Variants in CFAP74 observed in about 807,000 individuals in gnomAD.
CFAP74 encodes cilia- and flagella-associated protein 74.
In CFAP74, 124 loss-of-function variants were observed where a neutral mutation model predicts 188.9. That is an observed-to-expected ratio of 0.66 (90% CI 0.57 to 0.76). CFAP74 has a LOEUF of 0.76. CFAP74 is among the 30% of genes least tolerant of loss of function. CFAP74 has a pLI of 0.00. For synonymous variants in CFAP74, 956 were observed against 916.7 expected (o/e 1.04, Z -0.77); for missense variants, 2,198 against 2,165.2 (o/e 1.02, Z -0.30).
At position 1,973,933 on chromosome 1, in the gene CFAP74, CGAGGCT is replaced by C. The variant is rs1171217570; in HGVS notation, c.674+86_674+91del. 7.9e-7 allele frequency: 1 copy of C among 1,262,296 alleles called. No individual in the cohort carries two copies. The highest frequency in any genetic ancestry group is 2.8e-5 in the East Asian group (1 of 35,820). 78.2% of individuals were successfully genotyped at this position (1,262,296 alleles called of 1,614,324 possible). On this transcript the variant is annotated intron_variant, in intron 7 of 38. Transcript: ENST00000682832. This position sits in a 1 kb window ranked among gnomAD's most constrained non-coding sequence, Gnocchi z 6.2. ...GGTGGATCTGGACAGATGTGGAGGG[CGAGGCT>C]GAATCTGGAGACCCCTGGGGGAGAG...
In CFAP74 at chr1:1,955,210, G is replaced by C. The variant is rs767949848; in HGVS notation, c.2176+481C>G. On this transcript the variant is annotated intron_variant, in intron 18 of 38. Transcript: ENST00000682832. ...GATCTCGATGCGTATGTGGGAAAAC[G>C]ATCAAGAGAAGCAAGGAGGAGACGC... The C allele has an allele frequency of 3.1e-6, 4 of 1,289,120 alleles. No individual in the cohort carries two copies. In the Admixed American group the frequency reaches 6.9e-5, roughly 22 times the overall value. The allele number at this position is 1,289,120 out of a possible 1,614,324, so 79.9% of individuals were successfully genotyped here. A position where few individuals can be genotyped will look rare whatever the true frequency, so the allele number is the denominator to read the frequency against.
rs758104097 is a variant in CFAP74 at position 1,923,485 on chromosome 1, C to G, written c.4404G>C (p.Gln1468His). ...GACAGGCGGCACCCTTCAGCAGGAT[C>G]TGGTGGGAGATTTTCTGGGGACAAG... is the stretch of plus-strand genomic sequence containing the variant. ...VVLFEKKISH[Q>H]ILLKGAACQH... The change falls in exon 36 of 39, where the codon CAG (glutamine) becomes CAC (histidine). Residue 1468 changes from glutamine (Q) to histidine (H), a missense_variant. Gln to His is a conservative substitution (Grantham distance 24). Coordinates refer to ENST00000682832, the MANE Select transcript of CFAP74 (RefSeq NM_001304360.2). This position sits in a 1 kb window ranked among gnomAD's most constrained non-coding sequence, Gnocchi z 6.3. The G allele has an allele frequency of 6.2e-7, 1 of 1,610,352 alleles. No individual in the cohort carries two copies. The highest frequency in any genetic ancestry group is 2.2e-5 in the East Asian group (1 of 44,794).
At chr1:1,992,135 TG>T in intron 1 of CFAP74, among the ~76,000 whole-genome samples, 1 of 151,194 alleles carries the variant, frequency 6.6e-6, no homozygotes, top group Non-Finnish European at 1.5e-5. Flanking sequence ...CTGGTGGGAG[TG>T]TAAAGGGATA....
Position 1,926,907 on chromosome 1 carries a change from G to A in CFAP74, c.3649C>T (p.Pro1217Ser). ...AGCACCCCGCACCTGAAGCTCAGGG[G>A]TTCTGACCCCTTCCTGTCTTTGATG... ...GDIKDRKGSE[P>S]LSFSPHNTLY... is the part of the protein sequence containing the mutation. Residue 1217 changes from proline to serine, a missense_variant, in exon 29 of 39, where the codon CCC (proline) becomes TCC (serine). Pro to Ser is a moderately conservative substitution (Grantham distance 74). Coordinates refer to ENST00000682832, the MANE Select transcript of CFAP74 (RefSeq NM_001304360.2). The A allele has an allele frequency of 6.5e-7, 1 of 1,550,060 alleles. No individual in the cohort carries two copies. The highest frequency in any genetic ancestry group is 1.2e-5 in the South Asian group (1 of 84,064).
chr1:1,957,869 C>T (rs531173190), intron 16 of CFAP74, among the ~76,000 whole-genome samples: 7 of 152,262 alleles, frequency 4.6e-5, no homozygotes, highest in South Asian at 2.1e-4. Flanking sequence ...CCGGCCCAAC[C>T]GTGACCGCTC....
intron 4 of CFAP74, 75 bp from the exon 5 acceptor site, chr1:1,987,110 T>A (rs771778452): frequency 1.6e-6 from 2 of 1,273,254 alleles, no homozygotes; most frequent in Non-Finnish European, 2.2e-6. Context: ...GGCGTGGCAA[T>A]GGGGCCAGGT....
At chr1:1,991,822 G>C (rs6605076) in intron 1 of CFAP74, among the ~76,000 whole-genome samples, 3 of 151,706 alleles carry the variant, frequency 2.0e-5, no homozygotes, top group South Asian at 2.1e-4. Context: ...GGCGGATCAC[G>C]AGGTCAGGAG....
rs1019814906 is a variant in CFAP74 at position 1,963,835 on chromosome 1, C to G, written c.1608G>C (p.Lys536Asn). The G allele has an allele frequency of 6.2e-7, 1 of 1,613,758 alleles. No individual in the cohort carries two copies. Among genetic ancestry groups the G allele is most frequent in the Admixed American group, 1.7e-5 (1 of 59,986 alleles). Residue 536 changes from lysine to asparagine, a missense_variant, in exon 14 of 39, where the codon AAG becomes AAC. Transcript: ENST00000682832. ...DFDIGKVYKK[K>N]ITLVNTTYTI... is the part of the protein sequence containing the mutation. ...TGTAGGTGGTGTTTACCAACGTGAT[C>G]TTTTTCTTGTACACTTTGCCAATAT... is the stretch of plus-strand genomic sequence containing the variant.
At chr1:1,972,115 C>G (rs113770087) in intron 8 of CFAP74, 33 bp from the exon 9 acceptor site, 1 of 1,554,272 alleles carries the variant, frequency 6.4e-7, no homozygotes, top group Admixed American at 1.7e-5. Flanking sequence ...TTTTGAGGCT[C>G]TGTCGCCCAG....
rs767067797 is a variant in CFAP74, at chr1:1,979,123, CAT to C, written c.501-4927_501-4926del. 8.8e-5 allele frequency among the ~76,000 whole-genome samples: 10 copies of C among 113,380 alleles called. 2 individuals are homozygous for C. The highest frequency in any genetic ancestry group is 9.8e-5 in the African/African-American group (3 of 30,646). The allele number at this position is 113,380 out of a possible 152,430, so 74.4% of individuals were successfully genotyped here. A position where few individuals can be genotyped will look rare whatever the true frequency, so the allele number is the denominator to read the frequency against. The stretch of plus-strand genomic sequence containing the variant: ...TGTCACGTGACAAGGCTGCACAGAA[CAT>C]GTGTGTGGTACTGAGCTGGGCGTGG... On this transcript the variant is annotated intron_variant, in intron 6 of 38. Coordinates refer to ENST00000682832, the MANE Select transcript of CFAP74 (RefSeq NM_001304360.2).
chr1:1,980,119 C>T (rs28645431), intron 6 of CFAP74, among the ~76,000 whole-genome samples: 24,647 of 109,426 alleles, frequency 0.23, 3,407 homozygotes, highest in Non-Finnish European at 0.26. Flanking sequence ...CGGCACAGAT[C>T]GCAGTGGGCG....
In CFAP74 at chr1:1,986,629, C is replaced by T. The variant is rs942798184; in HGVS notation, c.395+308G>A. Among the ~76,000 whole-genome samples the T allele has an allele frequency of 5.3e-5, 8 of 152,326 alleles. No homozygotes were observed. In the South Asian group the frequency reaches 1.0e-3, roughly 20 times the overall value. On this transcript the variant is annotated intron_variant, in intron 5 of 38. Transcript: ENST00000682832. Reference sequence around the variant, plus strand: ...CCCACCTGGGAGTGTGGGACGCATGCAGGCCTCTCACCTCTCACCTCGCCC... The same window carrying T: ...CCCACCTGGGAGTGTGGGACGCATGTAGGCCTCTCACCTCTCACCTCGCCC...
rs552997945 is a variant in CFAP74, at chr1:1,955,958, C to T, written c.2017-108G>A. The T allele has an allele frequency of 3.4e-6, 5 of 1,461,768 alleles. No homozygotes were observed. In the East Asian group the frequency reaches 9.7e-5, roughly 28 times the overall value. 90.5% of individuals were successfully genotyped at this position (1,461,768 alleles called of 1,614,324 possible). A position where few individuals can be genotyped will look rare whatever the true frequency, so the allele number is the denominator to read the frequency against. On this transcript the variant is annotated intron_variant, in intron 17 of 38. Transcript: ENST00000682832. Reference sequence around the variant, plus strand: ...GGCCGTGTTGGGGGCTGGACCCTGGCTCCAGCGTGGCCCCTCAGCTGCCTC... The same window carrying T: ...GGCCGTGTTGGGGGCTGGACCCTGGTTCCAGCGTGGCCCCTCAGCTGCCTC...
At chr1:1,946,110 C>T (rs1653756650) in intron 20 of CFAP74, among the ~76,000 whole-genome samples, 1 of 152,068 alleles carries the variant, frequency 6.6e-6, no homozygotes, top group South Asian at 2.1e-4. Flanking sequence ...TATGTGCTCA[C>T]AGCATGCCTG....
rs142576005 is a variant in CFAP74, at chr1:1,974,118, G to C, written c.581C>G (p.Thr194Arg). ...RTADREEVEA[T>R]GRRLQVRAAE... is the part of the protein sequence containing the mutation. Reference sequence around the variant, plus strand: ...TGCGCGCACCTGGAGCCGCCGCCCCGTGGCCTCCACCTCCTCACGGTCAGC... The same window carrying C: ...TGCGCGCACCTGGAGCCGCCGCCCCCTGGCCTCCACCTCCTCACGGTCAGC... Residue 194 changes from threonine to arginine, a missense_variant, in exon 7 of 39, where the codon ACG (threonine) becomes AGG (arginine). By Grantham distance (71) the Thr-to-Arg change is moderately conservative. Transcript: ENST00000682832. 1,044 of 1,612,204 alleles carry C rather than the reference G, an allele frequency of 6.5e-4. 3 individuals carry two copies. The African/African-American group carries it at 0.012, about 19-fold the overall frequency.
chr1:1,988,172 G>C (rs1333362172), intron 4 of CFAP74: 2 of 516,030 alleles, frequency 3.9e-6, no homozygotes, highest in South Asian at 1.5e-5. Context: ...TCTGTGATTT[G>C]CTTTAACATA....
rs575772930 is a variant in CFAP74, at chr1:1,942,132, C to A, written c.2511G>T (p.Lys837Asn). 5.2e-6 allele frequency: 8 copies of A among 1,525,860 alleles called. No individual in the cohort carries two copies. The highest frequency in any genetic ancestry group is 7.0e-6 in the Non-Finnish European group (8 of 1,142,924). 94.5% of individuals were successfully genotyped at this position (1,525,860 alleles called of 1,614,324 possible). A position where few individuals can be genotyped will look rare whatever the true frequency, so the allele number is the denominator to read the frequency against. The part of the protein sequence containing the change: ...HTRSKAALRL[K>N]FEVCKELRAH... The stretch of plus-strand genomic sequence containing the variant: ...CCCTCAGCTCCTTGCACACCTCGAA[C>A]TTCAGGCGCAGGGCAGCTTTCGACC... Residue 837 changes from lysine to asparagine, a missense_variant, in exon 22 of 39, where the codon AAG (lysine) becomes AAT (asparagine). Transcript: ENST00000682832. This position sits in a 1 kb window ranked among gnomAD's most constrained non-coding sequence, Gnocchi z 4.3.
chr1:1,974,012 G>A lies in CFAP74; in HGVS notation c.674+13C>T. 6.5e-7 allele frequency: 1 copy of A among 1,543,550 alleles called. No homozygotes were observed. The highest frequency in any genetic ancestry group is 8.8e-7 in the Non-Finnish European group (1 of 1,139,820). ...GCTGGGAAGGGATGGAGGTGGGCCT[G>A]GGTGTCGCCTACCTGATCCTCAGCA... On this transcript the variant is annotated intron_variant, in intron 7 of 38. Transcript: ENST00000682832.
In CFAP74 at chr1:1,975,449, T is replaced by C. The variant is rs918202326; in HGVS notation, c.501-1251A>G. Reference sequence around the variant, plus strand: ...GTGGCTGGATTTCAATGTTGAATGTTTGATTTGGGGTTTTCTGATTTGCCT... The same window carrying C: ...GTGGCTGGATTTCAATGTTGAATGTCTGATTTGGGGTTTTCTGATTTGCCT... On this transcript the variant is annotated intron_variant, in intron 6 of 38. Coordinates refer to ENST00000682832, the MANE Select transcript of CFAP74 (RefSeq NM_001304360.2). This position sits in a 1 kb window ranked among gnomAD's most constrained non-coding sequence, Gnocchi z 4.5. Among the ~76,000 whole-genome samples, 2 of 152,268 alleles carry C rather than the reference T, an allele frequency of 1.3e-5. No homozygotes were observed. The highest frequency in any genetic ancestry group is 1.5e-5 in the Non-Finnish European group (1 of 68,006).
Sources: allele counts gnomAD v4.1 joint callset (sites outside exome capture counted in the v4.1 genomes callset), GRCh38; gene constraint gnomAD v4.1.1; non-coding constraint Gnocchi (gnomAD v3.1); transcripts MANE v1.5; gene names NCBI Gene and HGNC (gene_info 2026-07-23, HGNC 2026-07-21).